Variants in KAZN observed in about 807,000 individuals in gnomAD.
KAZN encodes the protein kazrin.
In KAZN, 40 loss-of-function variants were observed where a neutral mutation model predicts 87.4. The ratio of observed to expected loss-of-function variants is 0.46; its 90% CI spans 0.36 to 0.60. KAZN has a LOEUF of 0.60. Among genes scored for constraint, KAZN ranks in the 20% least tolerant of loss-of-function variants. The pLI, the probability that KAZN is intolerant of heterozygous loss-of-function variation, is 0.00. For missense variants in KAZN, 898 were observed against 1,073.9 expected (o/e 0.84, Z 2.29); for synonymous variants, 466 against 458.3 (o/e 1.02, Z -0.22).
At chr1:14,720,702 C>G (rs1006989065) in intron 1 of KAZN, among the ~76,000 whole-genome samples, 6 of 152,296 alleles carry the variant, frequency 3.9e-5, no homozygotes, top group Non-Finnish European at 4.4e-5. Context: ...TTCCTGTTTT[C>G]ATTTGCTGCT....
chr1:14,507,422 T>C (rs1670641075), intron 2 of KAZN, among the ~76,000 whole-genome samples: 1 of 152,124 alleles, frequency 6.6e-6, no homozygotes, highest in Non-Finnish European at 1.5e-5. Context: ...TGCATAGATA[T>C]AAACATAAAC....
At chr1:13,917,290 C>T (rs1381825566) in intron 1 of KAZN, among the ~76,000 whole-genome samples, 1 of 152,138 alleles carries the variant, frequency 6.6e-6, no homozygotes, top group Non-Finnish European at 1.5e-5. Context: ...AAGGTGGCTA[C>T]CCTACACAAT....
chr1:14,514,046 C>T (rs910793209), intron 2 of KAZN, among the ~76,000 whole-genome samples: 6 of 151,000 alleles, frequency 4.0e-5, no homozygotes, highest in African/African-American at 7.3e-5. Context: ...TTAGGCCGGG[C>T]GTGGTGGCTC....
intron 2 of KAZN, among the ~76,000 whole-genome samples, chr1:14,293,023 T>G (rs1653836429): frequency 6.6e-6 from 1 of 152,166 alleles, no homozygotes; most frequent in South Asian, 2.1e-4. Context: ...AAGACTGAAC[T>G]AACATGCATG....
chr1:14,153,223 T>C (rs1000171872), intron 1 of KAZN, among the ~76,000 whole-genome samples: 1 of 152,192 alleles, frequency 6.6e-6, no homozygotes, highest in African/African-American at 2.4e-5. Flanking sequence ...TGTCCATATT[T>C]GCTTTGGCTG....
At chr1:14,254,153 T>A (rs1650294114) in intron 2 of KAZN, among the ~76,000 whole-genome samples, 2 of 152,202 alleles carry the variant, frequency 1.3e-5, no homozygotes, top group Non-Finnish European at 1.5e-5. Context: ...GAAGTTTTAT[T>A]CTCATACCCA....
intron 1 of KAZN, among the ~76,000 whole-genome samples, chr1:14,755,826 G>A (rs1166944750): frequency 1.3e-5 from 2 of 152,132 alleles, no homozygotes; most frequent in Non-Finnish European, 2.9e-5. Context: ...AACATTCCGG[G>A]GAATTCACCC....
intron 1 of KAZN, among the ~76,000 whole-genome samples, chr1:13,993,874 T>C (rs536350880): frequency 6.6e-6 from 1 of 152,356 alleles, no homozygotes; most frequent in South Asian, 2.1e-4. Flanking sequence ...AAATGACTTT[T>C]TAAAAATGGA....
At chr1:14,517,029 G>T (rs1671334206) in intron 2 of KAZN, among the ~76,000 whole-genome samples, 1 of 151,920 alleles carries the variant, frequency 6.6e-6, no homozygotes, top group Admixed American at 6.6e-5. Context: ...CTTCTCACTG[G>T]CAGGTCACAG....
chr1:13,924,258 G>A (rs1219656317), intron 1 of KAZN, among the ~76,000 whole-genome samples: 1 of 152,142 alleles, frequency 6.6e-6, no homozygotes, highest in Non-Finnish European at 1.5e-5. Context: ...TTAAAAGATA[G>A]AAGACTTAGC....
intron 1 of KAZN, among the ~76,000 whole-genome samples, chr1:14,797,918 C>A (rs61772283): frequency 2.6e-5 from 4 of 152,108 alleles, no homozygotes; most frequent in African/African-American, 7.2e-5. Context: ...ATCAAAAACA[C>A]GATGCCCACG....
chr1:14,129,723 C>A (rs1265290565), intron 1 of KAZN, among the ~76,000 whole-genome samples: 1 of 151,878 alleles, frequency 6.6e-6, no homozygotes, highest in African/African-American at 2.4e-5. Context: ...GAAAAGGGAG[C>A]CATCACATGG....
chr1:14,180,113 T>A (rs908208325), intron 1 of KAZN, among the ~76,000 whole-genome samples: 1 of 152,126 alleles, frequency 6.6e-6, no homozygotes, highest in Non-Finnish European at 1.5e-5. Context: ...TATTCATGTA[T>A]CTATTTAACA....
chr1:14,440,423 T>A (rs1209770886), intron 2 of KAZN, among the ~76,000 whole-genome samples: 4 of 152,180 alleles, frequency 2.6e-5, no homozygotes, highest in Admixed American at 2.6e-4. Context: ...TCTGCTCTCT[T>A]CCGGGAACTA....
At chr1:14,569,837 G>A (rs536075569) in intron 2 of KAZN, among the ~76,000 whole-genome samples, 1 of 151,446 alleles carries the variant, frequency 6.6e-6, no homozygotes, top group African/African-American at 2.4e-5. Context: ...GCCCCACCAG[G>A]CGTGGTGGCT....
rs1404735686 is a variant in KAZN at position 15,096,746 on chromosome 1, G to A, written c.1547+1813G>A. On this transcript the variant is annotated intron_variant, in intron 10 of 14. Coordinates refer to ENST00000376030, the MANE Select transcript of KAZN (RefSeq NM_201628.3). The surrounding 1 kb of genome is among the most constrained non-coding windows in gnomAD (Gnocchi z 4.5). ...AAGAAGGAAGAGGGAGGGGGAGAGA[G>A]TGATGTCTCTGGTCTCTTCCTGTAA... Among the ~76,000 whole-genome samples, 2 of 152,192 alleles carry A rather than the reference G, an allele frequency of 1.3e-5. No homozygotes were observed. The highest frequency in any genetic ancestry group is 2.9e-5 in the Non-Finnish European group (2 of 68,024).
At chr1:14,295,745 C>T (rs181378006) in intron 2 of KAZN, among the ~76,000 whole-genome samples, 10 of 152,306 alleles carry the variant, frequency 6.6e-5, no homozygotes, top group Admixed American at 2.6e-4. Context: ...TCTCAGCTCA[C>T]TTTCTCAGGG....
rs563641668 is a variant in KAZN, at chr1:14,598,941, C to G, written c.-57C>G. The stretch of plus-strand genomic sequence containing the variant: ...GCCGGGGGTGCCCGGCCGCGCGCCC[C>G]CCGCGCATCATGCAGCTCTTTGTCA... On this transcript the variant is annotated 5_prime_UTR_variant, in exon 1 of 15. Transcript: ENST00000376030. This position sits in a 1 kb window ranked among gnomAD's most constrained non-coding sequence, Gnocchi z 4.2. 8 of 1,556,500 alleles carry G rather than the reference C, an allele frequency of 5.1e-6. No homozygotes were observed. The South Asian group carries it at 7.1e-5, about 14-fold the overall frequency.
chr1:14,915,373 T>C (rs1657696474), intron 1 of KAZN, among the ~76,000 whole-genome samples: 1 of 152,174 alleles, frequency 6.6e-6, no homozygotes, highest in Non-Finnish European at 1.5e-5. Context: ...CAGTAACTGT[T>C]ATTCTTTTCT....
Sources: gnomAD v4.1 joint callset for allele counts (sites outside exome capture counted in the v4.1 genomes callset) on GRCh38, gnomAD v4.1.1 for gene constraint, Gnocchi (gnomAD v3.1) non-coding constraint, MANE v1.5 for transcripts, NCBI Gene and HGNC (gene_info 2026-07-23, HGNC 2026-07-21) for gene names.